The following ARHGAP15 variants were observed in gnomAD, a reference collection of about 807,000 sequenced individuals.
The protein encoded by ARHGAP15 is Rho GTPase activating protein 15.
A neutral mutation model predicts 63.7 loss-of-function variants in ARHGAP15; 51 were observed. That is an observed-to-expected ratio of 0.80 (90% CI 0.64 to 1.01). ARHGAP15 has a LOEUF of 1.01. Ranked by LOEUF, ARHGAP15 falls within the 50% of genes least tolerant of loss-of-function variation. The pLI, the probability that ARHGAP15 is intolerant of heterozygous loss-of-function variation, is 0.00. For missense variants in ARHGAP15, 560 were observed against 564.6 expected, an observed-to-expected ratio of 0.99 and a Z score of 0.08; for synonymous variants, 191 against 193.8, an observed-to-expected ratio of 0.99 and a Z score of 0.12.
chr2:143,339,346 AC>A (rs1684950509), intron 6 of ARHGAP15, among the ~76,000 whole-genome samples: 1 of 152,148 alleles, frequency 6.6e-6, no homozygotes. Flanking sequence ...TAGGTAACAC[AC>A]TGAGCCAGAT....
chr2:143,260,023 T>A (rs1336552543), intron 6 of ARHGAP15, among the ~76,000 whole-genome samples: 2 of 152,272 alleles, frequency 1.3e-5, no homozygotes, highest in Non-Finnish European at 2.9e-5. Context: ...GTCACTGAAT[T>A]TGACTTTAGA....
intron 13 of ARHGAP15, among the ~76,000 whole-genome samples, chr2:143,718,363 T>C (rs75270631): frequency 0.024 from 3,624 of 152,270 alleles, 141 homozygotes; most frequent in African/African-American, 0.081. Context: ...GGTCAGGCCA[T>C]TGGGAAAAAT....
At chr2:143,650,498 C>T (rs960250761) in intron 12 of ARHGAP15, among the ~76,000 whole-genome samples, 1 of 151,894 alleles carries the variant, frequency 6.6e-6, no homozygotes, top group African/African-American at 2.4e-5. Context: ...GTACCTTCCT[C>T]GGATGTTTGC....
chr2:143,685,565 G>A (rs1683296487), intron 12 of ARHGAP15, among the ~76,000 whole-genome samples: 1 of 152,174 alleles, frequency 6.6e-6, no homozygotes, highest in African/African-American at 2.4e-5. Flanking sequence ...TTGCTCTAAT[G>A]CCAGTTCATA....
intron 4 of ARHGAP15, among the ~76,000 whole-genome samples, chr2:143,220,907 C>A (rs1451372876): frequency 1.3e-5 from 2 of 152,084 alleles, no homozygotes; most frequent in African/African-American, 4.8e-5. Flanking sequence ...AATATAGACT[C>A]TATTATTGCT....
chr2:143,522,255 C>T (rs1168557255), intron 10 of ARHGAP15, among the ~76,000 whole-genome samples: 1 of 152,114 alleles, frequency 6.6e-6, no homozygotes, highest in Non-Finnish European at 1.5e-5. Context: ...ACTATTATAA[C>T]TAGATTAACT....
chr2:143,747,338 G>A (rs964509359), intron 13 of ARHGAP15, among the ~76,000 whole-genome samples: 1 of 152,088 alleles, frequency 6.6e-6, no homozygotes, highest in Non-Finnish European at 1.5e-5. Flanking sequence ...AAAATCTTGT[G>A]TTGGTGTGGT....
chr2:143,418,871 C>T (rs1005764665), intron 6 of ARHGAP15, among the ~76,000 whole-genome samples: 3 of 151,960 alleles, frequency 2.0e-5, no homozygotes, highest in Non-Finnish European at 4.4e-5. Flanking sequence ...TATGAAACAC[C>T]TGATATTGAT....
intron 8 of ARHGAP15, among the ~76,000 whole-genome samples, chr2:143,470,934 A>G (rs1558993428): frequency 6.9e-6 from 1 of 145,628 alleles, no homozygotes; most frequent in African/African-American, 2.5e-5. Flanking sequence ...ATGTGTATAT[A>G]TGTGTGTATA....
intron 8 of ARHGAP15, chr2:143,472,011 A>G (rs923171747): frequency 7.2e-5 from 11 of 152,212 alleles, no homozygotes; most frequent in African/African-American, 2.4e-4. Flanking sequence ...CCCAGAGCTG[A>G]CATTCCATCT....
chr2:143,584,113 A>C (rs1176296388), intron 11 of ARHGAP15, among the ~76,000 whole-genome samples: 1 of 152,192 alleles, frequency 6.6e-6, no homozygotes, highest in African/African-American at 2.4e-5. Context: ...GCAGTTTCAC[A>C]ACACTGAAAG....
At chr2:143,698,944 A>T (rs1683966530) in intron 12 of ARHGAP15, among the ~76,000 whole-genome samples, 1 of 152,138 alleles carries the variant, frequency 6.6e-6, no homozygotes, top group African/African-American at 2.4e-5. Flanking sequence ...GCGCTTCATA[A>T]TGAGAAAAAC....
chr2:143,290,883 G>A (rs181564053), intron 6 of ARHGAP15, among the ~76,000 whole-genome samples: 44 of 152,220 alleles, frequency 2.9e-4, no homozygotes, highest in Admixed American at 8.5e-4. Flanking sequence ...AGCAGGTAAC[G>A]AGGTAGAAAA....
intron 12 of ARHGAP15, among the ~76,000 whole-genome samples, chr2:143,635,728 A>C (rs1049764815): frequency 6.6e-6 from 1 of 152,110 alleles, no homozygotes; most frequent in Non-Finnish European, 1.5e-5. Flanking sequence ...TTTTCTACCT[A>C]CACTTTCTGA....
chr2:143,616,696 T>C (rs965399032), intron 11 of ARHGAP15, among the ~76,000 whole-genome samples: 2 of 152,216 alleles, frequency 1.3e-5, no homozygotes, highest in African/African-American at 4.8e-5. Flanking sequence ...GAACCATCTA[T>C]TCTACGCACA....
intron 6 of ARHGAP15, among the ~76,000 whole-genome samples, chr2:143,379,041 G>A (rs1439282423): frequency 6.6e-6 from 1 of 151,460 alleles, no homozygotes; most frequent in Non-Finnish European, 1.5e-5. Context: ...TTTTAAATGG[G>A]AATTTCAAAA....
At chr2:143,511,139 C>A (rs562794041) in intron 9 of ARHGAP15, among the ~76,000 whole-genome samples, 2 of 152,136 alleles carry the variant, frequency 1.3e-5, no homozygotes, top group Non-Finnish European at 2.9e-5. Context: ...GATGAACTAA[C>A]AAAATCGGTC....
chr2:143,486,763 G>A (rs922335869), intron 8 of ARHGAP15, among the ~76,000 whole-genome samples: 1 of 152,160 alleles, frequency 6.6e-6, no homozygotes, highest in Admixed American at 6.5e-5. Flanking sequence ...TCTGAGAATA[G>A]GAAACTGAGG....
chr2:143,389,834 T>C (rs1368355815), intron 6 of ARHGAP15, among the ~76,000 whole-genome samples: 2 of 152,184 alleles, frequency 1.3e-5, no homozygotes, highest in Non-Finnish European at 1.5e-5. Context: ...CCTGCCGTTG[T>C]TGTTTACTTG....
Sources: allele counts gnomAD v4.1 joint callset (sites outside exome capture counted in the v4.1 genomes callset), GRCh38; gene constraint gnomAD v4.1.1; transcripts MANE v1.5; gene names NCBI Gene and HGNC (gene_info 2026-07-23, HGNC 2026-07-21).